The following ACBD6 variants were observed in gnomAD, a reference collection of about 807,000 sequenced individuals.
ACBD6 encodes acyl-CoA-binding domain-containing protein 6.
In ACBD6, 28 loss-of-function variants were observed where a neutral mutation model predicts 37.2. That is an observed-to-expected ratio of 0.75 (90% confidence interval 0.56 to 1.03). The LOEUF is 1.03. Ranked by LOEUF, ACBD6 falls within the 50% of genes least tolerant of loss-of-function variation. The pLI, the probability that ACBD6 is intolerant of heterozygous loss-of-function variation, is 0.00. For synonymous variants in ACBD6, 113 were observed against 126.8 expected (o/e 0.89, Z 0.73); for missense variants, 340 against 337.4 (o/e 1.01, Z -0.06).
At chr1:180,354,767 CTCTA>C in intron 6 of ACBD6, among the ~76,000 whole-genome samples, 1 of 152,162 alleles carries the variant, frequency 6.6e-6, no homozygotes. Flanking sequence ...CCTGCTGCAC[CTCTA>C]TCTACCAGCC....
At chr1:180,374,899 A>T (rs767286909) in intron 6 of ACBD6, among the ~76,000 whole-genome samples, 25 of 152,182 alleles carry the variant, frequency 1.6e-4, no homozygotes, top group Non-Finnish European at 3.2e-4. Flanking sequence ...TAAGAATTTA[A>T]TAAGAAATGT....
At chr1:180,307,859 G>T (rs1346047747) in intron 7 of ACBD6, among the ~76,000 whole-genome samples, 1 of 152,146 alleles carries the variant, frequency 6.6e-6, no homozygotes, top group Non-Finnish European at 1.5e-5. Flanking sequence ...GGAGGGTGAG[G>T]CAGGAGACTC....
intron 7 of ACBD6, among the ~76,000 whole-genome samples, chr1:180,313,650 G>A (rs2794974): frequency 6.6e-6 from 1 of 152,036 alleles, no homozygotes; most frequent in Non-Finnish European, 1.5e-5. Flanking sequence ...GATCCATAAT[G>A]TGGTGTAAAT....
At chr1:180,382,953 C>T (rs2101930119) in intron 6 of ACBD6, among the ~76,000 whole-genome samples, 1 of 152,244 alleles carries the variant, frequency 6.6e-6, no homozygotes, top group Middle Eastern at 3.4e-3. Flanking sequence ...AACCATACGA[C>T]CATCTCAACA....
At chr1:180,474,712 G>C (rs991521583) in intron 3 of ACBD6, among the ~76,000 whole-genome samples, 6 of 152,126 alleles carry the variant, frequency 3.9e-5, no homozygotes, top group African/African-American at 7.2e-5. Flanking sequence ...GAATATATTA[G>C]AATAGAAATA....
intron 3 of ACBD6, among the ~76,000 whole-genome samples, chr1:180,476,236 C>T (rs920414333): frequency 3.3e-5 from 5 of 152,126 alleles, no homozygotes; most frequent in African/African-American, 7.2e-5. Flanking sequence ...AGCATTCACA[C>T]GTTCTGTTTA....
chr1:180,383,473 A>T (rs1363310703), intron 6 of ACBD6, among the ~76,000 whole-genome samples: 1 of 152,182 alleles, frequency 6.6e-6, no homozygotes, highest in Non-Finnish European at 1.5e-5. Flanking sequence ...AATAAATTTA[A>T]CCAAGGAGGT....
At chr1:180,318,950 T>C (rs138209059) in intron 6 of ACBD6, among the ~76,000 whole-genome samples, 432 of 152,340 alleles carry the variant, frequency 2.8e-3, no homozygotes, top group African/African-American at 0.01. Flanking sequence ...AGTTGCTTTT[T>C]TGTAAGCTTG....
chr1:180,418,871 G>A (rs965110794), intron 4 of ACBD6, among the ~76,000 whole-genome samples: 17 of 152,210 alleles, frequency 1.1e-4, no homozygotes, highest in African/African-American at 4.1e-4. Flanking sequence ...GCAAAACATT[G>A]CTTGGGCAGT....
chr1:180,446,357 C>T (rs1649473731), intron 3 of ACBD6, among the ~76,000 whole-genome samples: 1 of 151,852 alleles, frequency 6.6e-6, no homozygotes, highest in South Asian at 2.1e-4. Context: ...TCCATTAGTT[C>T]AAAGAGAAAA....
At chr1:180,345,468 GA>G (rs1652143473) in intron 6 of ACBD6, among the ~76,000 whole-genome samples, 1 of 151,944 alleles carries the variant, frequency 6.6e-6, no homozygotes, top group Admixed American at 6.6e-5. Flanking sequence ...AAATCTTTTA[GA>G]AAAAATAAAA....
chr1:180,490,752 C>CG (rs1200399731), intron 3 of ACBD6, among the ~76,000 whole-genome samples: 1 of 149,066 alleles, frequency 6.7e-6, no homozygotes, highest in African/African-American at 2.5e-5. Flanking sequence ...CGCCACTGCA[C>CG]TCCAGCCTGG....
chr1:180,496,727 T>C (rs1243085859), intron 1 of ACBD6, among the ~76,000 whole-genome samples: 1 of 152,228 alleles, frequency 6.6e-6, no homozygotes, highest in African/African-American at 2.4e-5. Context: ...GGCCCTATGC[T>C]GTTATTAAAA....
At chr1:180,345,003 C>T (rs1652127273) in intron 6 of ACBD6, among the ~76,000 whole-genome samples, 1 of 152,192 alleles carries the variant, frequency 6.6e-6, no homozygotes, top group Non-Finnish European at 1.5e-5. Context: ...ACACTATACA[C>T]TCTTCTTTAC....
intron 6 of ACBD6, among the ~76,000 whole-genome samples, chr1:180,336,870 A>C (rs1323694313): frequency 6.6e-6 from 1 of 152,068 alleles, no homozygotes; most frequent in Non-Finnish European, 1.5e-5. Flanking sequence ...AGAGAATACT[A>C]TAAACACCTC....
At chr1:180,401,842 C>A (rs937484448) in intron 5 of ACBD6, among the ~76,000 whole-genome samples, 16 of 150,028 alleles carry the variant, frequency 1.1e-4, no homozygotes, top group African/African-American at 3.9e-4. Context: ...GAAGGAGATT[C>A]TATTATAAAA....
chr1:180,472,383 T>C (rs759882930), intron 3 of ACBD6, among the ~76,000 whole-genome samples: 1 of 152,198 alleles, frequency 6.6e-6, no homozygotes, highest in African/African-American at 2.4e-5. Flanking sequence ...TTAGGGTAGA[T>C]GTAGCTGAAG....
chr1:180,287,978 T>A (rs1649558436), downstream of ACBD6, among the ~76,000 whole-genome samples: 1 of 152,216 alleles, frequency 6.6e-6, no homozygotes, highest in Non-Finnish European at 1.5e-5. Context: ...TAATTTGATC[T>A]CTACCATGTT....
At chr1:180,348,673 G>T (rs534551166) in intron 6 of ACBD6, among the ~76,000 whole-genome samples, 1 of 152,176 alleles carries the variant, frequency 6.6e-6, no homozygotes, top group East Asian at 1.9e-4. Flanking sequence ...TAGATAGAAT[G>T]GAGAAGTAAA....
Sources: allele counts gnomAD v4.1 joint callset (sites outside exome capture counted in the v4.1 genomes callset), GRCh38; gene constraint gnomAD v4.1.1; transcripts MANE v1.5; gene names NCBI Gene and HGNC (gene_info 2026-07-23, HGNC 2026-07-21).